The following TBC1D5 variants were observed in gnomAD, a reference collection of about 807,000 sequenced individuals.
TBC1D5 encodes TBC1 domain family member 5.
TBC1D5 carries 75 observed loss-of-function variants against 100.3 expected under a neutral mutation model. The ratio of observed to expected loss-of-function variants is 0.75; its 90% CI spans 0.62 to 0.91. The LOEUF (loss-of-function observed/expected upper bound fraction) is 0.91. Among genes scored for constraint, TBC1D5 ranks in the 40% least tolerant of loss-of-function variants. The probability of loss-of-function intolerance (pLI) is 0.00; values close to 1 mark genes in which losing one functional copy is unlikely to be tolerated. For missense variants in TBC1D5, 910 were observed against 942.4 expected, an observed-to-expected ratio of 0.97 and a Z score of 0.45; for synonymous variants, 323 against 325.6, an observed-to-expected ratio of 0.99 and a Z score of 0.09.
At chr3:17,714,623 T>G (rs1275701190) in intron 1 of TBC1D5, among the ~76,000 whole-genome samples, 2 of 152,166 alleles carry the variant, frequency 1.3e-5, no homozygotes, top group African/African-American at 4.8e-5. Context: ...AACAGAGAAT[T>G]TACTGACCAC....
chr3:17,427,068 T>C (rs1350131058), intron 4 of TBC1D5, among the ~76,000 whole-genome samples: 1 of 152,074 alleles, frequency 6.6e-6, no homozygotes, highest in African/African-American at 2.4e-5. Context: ...TAGGGGATTC[T>C]ACCTATAGTT....
chr3:17,632,797 T>C (rs924393637), intron 1 of TBC1D5, among the ~76,000 whole-genome samples: 5 of 152,186 alleles, frequency 3.3e-5, no homozygotes, highest in African/African-American at 1.2e-4. Context: ...ATAATGCTAT[T>C]ATACATTTAT....
At chr3:17,530,291 G>A (rs1002032447) in intron 2 of TBC1D5, among the ~76,000 whole-genome samples, 1 of 149,694 alleles carries the variant, frequency 6.7e-6, no homozygotes. Flanking sequence ...CCTAAAATGC[G>A]TAATTCAACA....
At chr3:17,720,599 G>C (rs1244632894) in intron 1 of TBC1D5, among the ~76,000 whole-genome samples, 1 of 152,076 alleles carries the variant, frequency 6.6e-6, no homozygotes, top group Non-Finnish European at 1.5e-5. Context: ...TTGAGCCCAG[G>C]AAGTTTGAGA....
intron 13 of TBC1D5, chr3:17,337,730 A>C (rs2088159082): frequency 6.6e-6 from 1 of 152,192 alleles, no homozygotes; most frequent in African/African-American, 2.4e-5. Context: ...TCTCTATATA[A>C]TCCAAAGCTC....
chr3:17,634,525 A>C (rs2063744965), intron 1 of TBC1D5, among the ~76,000 whole-genome samples: 1 of 152,042 alleles, frequency 6.6e-6, no homozygotes, highest in South Asian at 2.1e-4. Context: ...CTAAAAACCA[A>C]AACAATTGAA....
At chr3:17,231,508 T>C (rs960112720) in intron 17 of TBC1D5, among the ~76,000 whole-genome samples, 2 of 152,116 alleles carry the variant, frequency 1.3e-5, no homozygotes, top group Admixed American at 6.6e-5. Flanking sequence ...AAAAAGACTA[T>C]CTATAATCAA....
At chr3:17,398,756 T>C (rs1480363079) in intron 8 of TBC1D5, among the ~76,000 whole-genome samples, 1 of 152,014 alleles carries the variant, frequency 6.6e-6, no homozygotes, top group African/African-American at 2.4e-5. Flanking sequence ...TTTTTTTTCC[T>C]GTTTTCTCTG....
At chr3:17,634,608 T>C (rs1339581976) in intron 1 of TBC1D5, among the ~76,000 whole-genome samples, 2 of 131,908 alleles carry the variant, frequency 1.5e-5, no homozygotes, top group East Asian at 4.3e-4. Flanking sequence ...AGAGGGGACG[T>C]GGGGATGGCT....
At chr3:17,703,466 A>G (rs141555867) in intron 1 of TBC1D5, among the ~76,000 whole-genome samples, 1 of 152,306 alleles carries the variant, frequency 6.6e-6, no homozygotes, top group East Asian at 1.9e-4. Flanking sequence ...TAGATTTTTA[A>G]GTAAAAGCAA....
chr3:17,634,430 GGGTGGAAC>G lies in TBC1D5; in HGVS notation c.-100-10525_-100-10518del, dbSNP rs2063735263. Among the ~76,000 whole-genome samples, 3 of 152,080 alleles carry G rather than the reference GGGTGGAAC, an allele frequency of 2.0e-5. No individual in the cohort carries two copies. The East Asian group carries it at 5.8e-4, about 29-fold the overall frequency. On this transcript the variant is annotated intron_variant, in intron 1 of 21. Coordinates refer to ENST00000253692, the Ensembl canonical transcript of TBC1D5. ...GAGATCCTATCATCTGGAACAACAT[GGGTGGAAC>G]TGGAGGTCACTATGTTAACTGAAAT...
At chr3:17,658,963 T>C (rs927908696) in intron 1 of TBC1D5, among the ~76,000 whole-genome samples, 1 of 152,186 alleles carries the variant, frequency 6.6e-6, no homozygotes, top group Non-Finnish European at 1.5e-5. Flanking sequence ...CAGCCAGTTA[T>C]GGTTCTTAAT....
chr3:17,623,338 A>C (rs537311963), intron 2 of TBC1D5, among the ~76,000 whole-genome samples: 1 of 152,308 alleles, frequency 6.6e-6, no homozygotes, highest in South Asian at 2.1e-4. Flanking sequence ...CAAAATGTTG[A>C]GGCCCCTAAC....
intron 8 of TBC1D5, among the ~76,000 whole-genome samples, chr3:17,401,455 G>A (rs1488880529): frequency 6.6e-6 from 1 of 151,804 alleles, no homozygotes; most frequent in Admixed American, 6.6e-5. Flanking sequence ...AGAAAATATA[G>A]AAGTTTTCAA....
chr3:17,480,309 C>T (rs891737565), intron 3 of TBC1D5, among the ~76,000 whole-genome samples: 9 of 152,206 alleles, frequency 5.9e-5, no homozygotes, highest in African/African-American at 1.7e-4. Context: ...GACAGGCTCT[C>T]GGGCAGAAAC....
At chr3:17,705,464 G>A (rs964109537) in intron 1 of TBC1D5, among the ~76,000 whole-genome samples, 5 of 149,276 alleles carry the variant, frequency 3.3e-5, no homozygotes, top group East Asian at 4.1e-4. Flanking sequence ...GGCAGCTGTC[G>A]GGCGGAGGGG....
chr3:17,396,124 G>A (rs967844008), intron 8 of TBC1D5, among the ~76,000 whole-genome samples: 2 of 151,902 alleles, frequency 1.3e-5, no homozygotes, highest in African/African-American at 2.4e-5. Flanking sequence ...TCACTTTCTC[G>A]GCTGTGAACA....
In TBC1D5 at chr3:17,674,131, T is replaced by A. The variant is rs189355570; in HGVS notation, c.-100-50218A>T. ...GAAAAAAAAAAATCCTAGTAAGACT[T>A]TGGACATATCAATTGAAACCGTAAA... On this transcript the variant is annotated intron_variant, in intron 1 of 21. Coordinates refer to ENST00000253692, the Ensembl canonical transcript of TBC1D5. Among the ~76,000 whole-genome samples, 16 of 152,306 alleles carry A rather than the reference T, an allele frequency of 1.1e-4. No homozygotes were observed. In the East Asian group the frequency reaches 3.1e-3, roughly 29 times the overall value.
At chr3:17,280,976 T>G (rs1457740244) in intron 15 of TBC1D5, among the ~76,000 whole-genome samples, 1 of 152,168 alleles carries the variant, frequency 6.6e-6, no homozygotes, top group African/African-American at 2.4e-5. Context: ...CCAAAAGCAC[T>G]CACCCCGGCT....
Sources: allele counts gnomAD v4.1 joint callset (sites outside exome capture counted in the v4.1 genomes callset), GRCh38; gene constraint gnomAD v4.1.1; transcripts MANE v1.5; gene names NCBI Gene and HGNC (gene_info 2026-07-23, HGNC 2026-07-21).